The following AFF3 variants were observed in gnomAD, a reference collection of about 807,000 sequenced individuals.
AFF3 encodes ALF transcription elongation factor 3, also known as AF4/FMR2 family member 3.
AFF3 carries 32 observed loss-of-function variants against 129.7 expected under a neutral mutation model. The ratio of observed to expected loss-of-function variants is 0.25; its 90% confidence interval spans 0.19 to 0.33. The LOEUF (loss-of-function observed/expected upper bound fraction) is 0.33, where lower values mean the gene tolerates loss of function less well. AFF3 is among the 10% of genes least tolerant of loss of function. The pLI is 1.00. For missense variants in AFF3, 1,373 were observed against 1,592.0 expected (o/e 0.86, Z 2.34); for synonymous variants, 644 against 635.4 (o/e 1.01, Z -0.20).
chr2:99,569,456 C>G (rs1676281357), intron 18 of AFF3, among the ~76,000 whole-genome samples: 2 of 152,052 alleles, frequency 1.3e-5, no homozygotes, highest in Admixed American at 1.3e-4. Flanking sequence ...GATTACATTC[C>G]AGTTGTAATG....
chr2:99,635,379 C>T (rs1428640454), intron 13 of AFF3, among the ~76,000 whole-genome samples: 2 of 152,036 alleles, frequency 1.3e-5, no homozygotes, highest in East Asian at 3.9e-4. Flanking sequence ...ATCACTGTAA[C>T]CTCTGCCTCC....
chr2:99,707,148 T>C (rs1445933624), intron 11 of AFF3: 5 of 985,318 alleles, frequency 5.1e-6, no homozygotes, highest in Non-Finnish European at 6.0e-6. Context: ...AGTCAAAAAC[T>C]AGTAAACTTG....
intron 11 of AFF3, among the ~76,000 whole-genome samples, chr2:99,677,472 C>T (rs1249248515): frequency 6.6e-6 from 1 of 152,060 alleles, no homozygotes; most frequent in Non-Finnish European, 1.5e-5. Context: ...TGCGATTAAG[C>T]GATTGAGATT....
At chr2:99,712,899 C>T (rs780307667) in intron 11 of AFF3, among the ~76,000 whole-genome samples, 5 of 152,164 alleles carry the variant, frequency 3.3e-5, no homozygotes, top group Admixed American at 1.3e-4. Context: ...GAATATTACT[C>T]AGCCTTAAAA....
intron 11 of AFF3, chr2:99,707,551 A>G (rs567775793): frequency 2.1e-6 from 2 of 973,846 alleles, no homozygotes; most frequent in East Asian, 2.5e-4. Context: ...TTGAATTACC[A>G]AAGTATCTCG....
At chr2:99,760,576 A>G (rs542430976) in intron 8 of AFF3, among the ~76,000 whole-genome samples, 129 of 152,308 alleles carry the variant, frequency 8.5e-4, no homozygotes, top group Middle Eastern at 3.4e-3. Context: ...TTACAAGGAC[A>G]CTGATCCCAC....
chr2:99,924,417 C>A (rs1223440992), intron 7 of AFF3, among the ~76,000 whole-genome samples: 1 of 152,170 alleles, frequency 6.6e-6, no homozygotes, highest in Non-Finnish European at 1.5e-5. Flanking sequence ...TTACGATTAG[C>A]ATCTTTATTA....
chr2:99,593,798 G>A lies in AFF3; in HGVS notation c.1863C>T (p.Pro621=), dbSNP rs767880726. The stretch of plus-strand genomic sequence containing the variant: ...AGGGCCTGGTTTTGGTGGGCTCCGG[G>A]GGGACCACCACGCTCGTCCCCAGCG... The part of the protein sequence containing the change: ...ADALGTSVVV[P]PEPTKTRPCG... Residue 621 remains proline, a synonymous_variant, in exon 15 of 25, where the codon CCC becomes CCT. Coordinates refer to ENST00000672756, the MANE Select transcript of AFF3 (RefSeq NM_001386135.1). 35 of 1,611,568 alleles carry A rather than the reference G, an allele frequency of 2.2e-5. No homozygotes were observed. Among genetic ancestry groups the A allele is most frequent in the Middle Eastern group, 1.8e-4 (1 of 5,408 alleles).
chr2:99,758,574 A>C lies in AFF3; in HGVS notation c.922-6273T>G, dbSNP rs192298438. On this transcript the variant is annotated intron_variant, in intron 8 of 24. Coordinates refer to ENST00000672756, the MANE Select transcript of AFF3 (RefSeq NM_001386135.1). ...GCACTCCAGGCTGGGTGACAGAGCG[A>C]GACTCCATCTCAAAAAAAAAAAAAA... Among the ~76,000 whole-genome samples the C allele has an allele frequency of 2.3e-4, 29 of 124,380 alleles. 1 individual carries two copies. The South Asian group carries it at 2.5e-3, about 11-fold the overall frequency. The allele number at this position is 124,380 out of a possible 152,430, so 81.6% of individuals were successfully genotyped here. A position where few individuals can be genotyped will look rare whatever the true frequency, so the allele number is the denominator to read the frequency against.
Position 99,554,534 on chromosome 2 carries a change from C to G in AFF3, c.3336G>C (p.Lys1112Asn). ...ACATGGGGGATGGGGTTCCAGTGCT[C>G]CTGGAAGGGGAGAGGTAGAAAAACC... ...QAPSPWGASGKSTGTPSPMSP... is the reference protein window; with the variant it reads ...QAPSPWGASGNSTGTPSPMSP... The change falls in exon 24 of 25, where the codon AAG becomes AAC. Residue 1112 changes from lysine to asparagine, a missense_variant and splice_region_variant. Physicochemically the swap from Lys to Asn is moderately conservative, Grantham distance 94. Coordinates refer to ENST00000672756, the MANE Select transcript of AFF3 (RefSeq NM_001386135.1). 6.2e-7 allele frequency: 1 copy of G among 1,611,832 alleles called. No individual in the cohort carries two copies. Among genetic ancestry groups the G allele is most frequent in the Non-Finnish European group, 8.5e-7 (1 of 1,178,928 alleles).
chr2:99,584,121 C>T (rs1282497677), intron 16 of AFF3, among the ~76,000 whole-genome samples: 1 of 152,164 alleles, frequency 6.6e-6, no homozygotes, highest in Non-Finnish European at 1.5e-5. Flanking sequence ...TTCTTAATAT[C>T]TGAGTTTATG....
intron 1 of AFF3, among the ~76,000 whole-genome samples, chr2:100,137,884 G>T (rs1467427380): frequency 6.6e-6 from 1 of 152,210 alleles, no homozygotes; most frequent in South Asian, 2.1e-4. Flanking sequence ...AGGAGTTCCA[G>T]ATAACTGCTC....
At chr2:100,045,569 T>G (rs1008888813) in intron 4 of AFF3, among the ~76,000 whole-genome samples, 5 of 151,650 alleles carry the variant, frequency 3.3e-5, no homozygotes, top group Non-Finnish European at 7.4e-5. Context: ...ATTGTAGGTT[T>G]TTTTTTTTTT....
intron 10 of AFF3, among the ~76,000 whole-genome samples, chr2:99,738,966 C>G (rs1680481043): frequency 6.7e-6 from 1 of 148,354 alleles, no homozygotes; most frequent in South Asian, 2.1e-4. Context: ...AGAATGTATT[C>G]TGTTTCTCTC....
At position 99,889,949 on chromosome 2, in the gene AFF3, C is replaced by T. The variant is rs184122335; in HGVS notation, c.874-52425G>A. ...TGTTGGGATTACAGGCATGAGCCAC[C>T]GCATCCAGCCTGAAAGTTAGACTTC... On this transcript the variant is annotated intron_variant, in intron 7 of 24. Coordinates refer to ENST00000672756, the MANE Select transcript of AFF3 (RefSeq NM_001386135.1). Among the ~76,000 whole-genome samples the T allele has an allele frequency of 5.6e-3, 858 of 152,286 alleles. 6 individuals carry two copies. The highest frequency in any genetic ancestry group is 1.0e-2 in the Non-Finnish European group (680 of 68,026).
intron 7 of AFF3, among the ~76,000 whole-genome samples, chr2:100,002,468 TG>T (rs1681511022): frequency 6.6e-6 from 1 of 152,236 alleles, no homozygotes. Flanking sequence ...GAAAATTCTA[TG>T]ATTAATCAAT....
chr2:99,606,660 G>A (rs1446768752), intron 13 of AFF3, among the ~76,000 whole-genome samples: 13 of 152,090 alleles, frequency 8.5e-5, no homozygotes, highest in Admixed American at 8.5e-4. Flanking sequence ...GCTCACGTCT[G>A]TAATCCCAGC....
At chr2:99,716,001 A>G (rs181409139) in intron 11 of AFF3, among the ~76,000 whole-genome samples, 4 of 152,272 alleles carry the variant, frequency 2.6e-5, no homozygotes, top group Non-Finnish European at 5.9e-5. Flanking sequence ...TTAAGGCTAC[A>G]GTTACTTTGT....
intron 7 of AFF3, among the ~76,000 whole-genome samples, chr2:99,875,469 T>C (rs1296176323): frequency 6.6e-6 from 1 of 152,260 alleles, no homozygotes; most frequent in East Asian, 1.9e-4. Context: ...GTTATCTATC[T>C]TCCTCCAACG....
Sources: allele counts gnomAD v4.1 joint callset (sites outside exome capture counted in the v4.1 genomes callset), GRCh38; gene constraint gnomAD v4.1.1; transcripts MANE v1.5; gene names NCBI Gene and HGNC (gene_info 2026-07-23, HGNC 2026-07-21).